CALD1: variants seen among roughly 807,000 people sequenced by gnomAD.
CALD1 encodes the protein caldesmon 1.
Under a neutral mutation model 99.9 loss-of-function variants are expected in CALD1, and 33 were observed. That is an observed-to-expected ratio of 0.33 (90% confidence interval 0.25 to 0.44). The LOEUF is 0.44. CALD1 is among the 20% of genes least tolerant of loss of function. The pLI, the probability that CALD1 is intolerant of heterozygous loss-of-function variation, is 1.00. For synonymous variants in CALD1, 310 were observed against 325.0 expected (o/e 0.95, Z 0.50); for missense variants, 861 against 962.1 (o/e 0.89, Z 1.39).
chr7:134,864,791 A>G (rs1378712913), intron 2 of CALD1, among the ~76,000 whole-genome samples: 3 of 152,226 alleles, frequency 2.0e-5, no homozygotes, highest in Non-Finnish European at 4.4e-5. Flanking sequence ...ATCCATATTG[A>G]AAACACAGAC....
intron 2 of CALD1, among the ~76,000 whole-genome samples, chr7:134,850,574 C>G (rs1458452471): frequency 6.6e-6 from 1 of 152,144 alleles, no homozygotes; most frequent in Non-Finnish European, 1.5e-5. Context: ...TGCTACATAA[C>G]TGTTGTCGAA....
upstream of CALD1, among the ~76,000 whole-genome samples, chr7:134,775,439 C>T (rs547324806): frequency 1.3e-5 from 2 of 152,300 alleles, no homozygotes; most frequent in South Asian, 4.1e-4. Context: ...CGGCCGGGCA[C>T]TGTGGCTCTC....
chr7:134,811,069 C>G (rs1044822916), intron 1 of CALD1, among the ~76,000 whole-genome samples: 1 of 152,134 alleles, frequency 6.6e-6, no homozygotes, highest in Admixed American at 6.5e-5. Context: ...ACAGCACAAA[C>G]CTCCGTGTAT....
At chr7:134,913,284 T>A (rs1803956636) in intron 3 of CALD1, among the ~76,000 whole-genome samples, 1 of 151,712 alleles carries the variant, frequency 6.6e-6, no homozygotes, top group East Asian at 1.9e-4. Flanking sequence ...AAAAAAAAAA[T>A]TAGGCTATGA....
chr7:134,791,440 T>TGCC (rs1797530107), intron 1 of CALD1, among the ~76,000 whole-genome samples: 1 of 152,144 alleles, frequency 6.6e-6, no homozygotes. Flanking sequence ...TCAAGTGATC[T>TGCC]GCCCACTTTG....
At chr7:134,888,943 T>A (rs1050306596) in intron 3 of CALD1, among the ~76,000 whole-genome samples, 5 of 152,170 alleles carry the variant, frequency 3.3e-5, no homozygotes, top group African/African-American at 1.2e-4. Flanking sequence ...ATTCTTGCTC[T>A]CCTCCATGGA....
the CALD1 span, among the ~76,000 whole-genome samples, chr7:134,731,376 A>T: frequency 6.6e-6 from 1 of 152,170 alleles, no homozygotes; most frequent in Non-Finnish European, 1.5e-5. Context: ...TGAAAAGTCA[A>T]CTTGTCATCT....
At chr7:134,900,887 G>A (rs948733202) in intron 3 of CALD1, among the ~76,000 whole-genome samples, 8 of 151,956 alleles carry the variant, frequency 5.3e-5, no homozygotes, top group African/African-American at 1.7e-4. Flanking sequence ...CAAACTGATA[G>A]ACGCCAGGGT....
chr7:134,871,956 AC>A (rs1801102138), intron 3 of CALD1, among the ~76,000 whole-genome samples: 1 of 152,226 alleles, frequency 6.6e-6, no homozygotes, highest in Non-Finnish European at 1.5e-5. Context: ...TGTGCTTAGG[AC>A]TGGCATTTAT....
intron 3 of CALD1, among the ~76,000 whole-genome samples, chr7:134,898,584 A>T (rs538930250): frequency 2.3e-4 from 34 of 150,114 alleles, no homozygotes; most frequent in African/African-American, 8.3e-4. Flanking sequence ...TTTTATTTTT[A>T]TTTTTTTGAG....
rs1554479102 is a variant in CALD1, at chr7:134,958,887, A to ATATATATATATATTTAAC, written c.2061+610_2061+611insTTAACTATATATATATAT. 7.3e-3 allele frequency among the ~76,000 whole-genome samples: 705 copies of ATATATATATATATTTAAC among 96,214 alleles called. 5 individuals are homozygous for ATATATATATATATTTAAC. The highest frequency in any genetic ancestry group is 0.034 in the Middle Eastern group (6 of 176). 63.1% of individuals were successfully genotyped at this position (96,214 alleles called of 152,430 possible). On this transcript the variant is annotated intron_variant, in intron 11 of 14. Transcript: ENST00000361675. ...CTGGTATTTAAATATATATATATAT[A>ATATATATATATATTTAAC]TATATATATATATATATATATATTT...
chr7:134,789,085 C>T (rs907032523), intron 1 of CALD1, among the ~76,000 whole-genome samples: 3 of 148,704 alleles, frequency 2.0e-5, no homozygotes, highest in Non-Finnish European at 4.5e-5. Flanking sequence ...TACCTGAAGC[C>T]AGTGTTCATG....
intron 1 of CALD1, among the ~76,000 whole-genome samples, chr7:134,746,814 A>G (rs1796638893): frequency 6.6e-6 from 1 of 152,244 alleles, no homozygotes; most frequent in Non-Finnish European, 1.5e-5. Context: ...AAAGTGGCAA[A>G]GAATTTGGCT....
chr7:134,812,450 C>T (rs1453123105), intron 1 of CALD1, among the ~76,000 whole-genome samples: 4 of 151,936 alleles, frequency 2.6e-5, no homozygotes, highest in Non-Finnish European at 5.9e-5. Context: ...ACTTAGTGGG[C>T]CCATTCTTAT....
chr7:134,823,158 T>C (rs1798849347), intron 1 of CALD1, among the ~76,000 whole-genome samples: 1 of 152,168 alleles, frequency 6.6e-6, no homozygotes, highest in South Asian at 2.1e-4. Flanking sequence ...ATTTCTGTAA[T>C]TTTCATCTAA....
intron 3 of CALD1, among the ~76,000 whole-genome samples, chr7:134,882,166 A>G (rs192670631): frequency 2.0e-5 from 3 of 152,326 alleles, no homozygotes; most frequent in East Asian, 1.9e-4. Flanking sequence ...AACTGTGACA[A>G]ATGTGCTAAG....
chr7:134,943,334 G>T (rs1806604828), intron 7 of CALD1, among the ~76,000 whole-genome samples: 1 of 152,102 alleles, frequency 6.6e-6, no homozygotes. Flanking sequence ...GAACTTTATG[G>T]AACGATTTCC....
intron 6 of CALD1, among the ~76,000 whole-genome samples, chr7:134,937,037 C>A (rs1806036966): frequency 6.6e-6 from 1 of 152,048 alleles, no homozygotes; most frequent in Non-Finnish European, 1.5e-5. Context: ...GAAATATGTC[C>A]CACATGGGTT....
chr7:134,935,925 C>A (rs972772328), intron 6 of CALD1, among the ~76,000 whole-genome samples, 160 bp downstream of exon 6: 1 of 152,036 alleles, frequency 6.6e-6, no homozygotes, highest in Admixed American at 6.6e-5. Flanking sequence ...CTTAGAGTGT[C>A]TCAAAATTAA....
Sources: gnomAD v4.1 joint callset for allele counts (sites outside exome capture counted in the v4.1 genomes callset) on GRCh38, gnomAD v4.1.1 for gene constraint, MANE v1.5 for transcripts, NCBI Gene and HGNC (gene_info 2026-07-23, HGNC 2026-07-21) for gene names.